Variants in FHIT observed in about 807,000 individuals in gnomAD.
The protein encoded by FHIT is bis(5'-adenosyl)-triphosphatase.
FHIT carries 19 observed loss-of-function variants against 17.9 expected under a neutral mutation model. That is an observed-to-expected ratio of 1.06 (90% CI 0.74 to 1.56). The LOEUF is 1.56. Ranked by LOEUF, FHIT falls within the 40% of genes most tolerant of loss-of-function variation. The pLI is 0.00. For synonymous variants in FHIT, 81 were observed against 69.7 expected, an observed-to-expected ratio of 1.16 and a Z score of -0.81; for missense variants, 248 against 189.2, an observed-to-expected ratio of 1.31 and a Z score of -1.82.
At chr3:61,240,107 A>G (rs1429913087) in intron 1 of FHIT, among the ~76,000 whole-genome samples, 1 of 152,128 alleles carries the variant, frequency 6.6e-6, no homozygotes, top group East Asian at 1.9e-4. Flanking sequence ...GCCTTAGTTT[A>G]GAGGAAGCTT....
intron 2 of FHIT, among the ~76,000 whole-genome samples, chr3:61,101,751 C>G (rs1194722110): frequency 6.6e-6 from 1 of 152,072 alleles, no homozygotes; most frequent in African/African-American, 2.4e-5. Context: ...TGGTAGTTCT[C>G]CTTGAAGAGG....
intron 5 of FHIT, among the ~76,000 whole-genome samples, chr3:60,143,819 A>G (rs1700130085): frequency 6.6e-6 from 1 of 152,104 alleles, no homozygotes; most frequent in Non-Finnish European, 1.5e-5. Flanking sequence ...CACTCACCCT[A>G]CTAAATGAAA....
At chr3:60,455,487 C>T (rs2032031665) in intron 5 of FHIT, among the ~76,000 whole-genome samples, 1 of 152,066 alleles carries the variant, frequency 6.6e-6, no homozygotes, top group South Asian at 2.1e-4. Flanking sequence ...AGAACAAAAC[C>T]AGTTTAGTGT....
chr3:60,010,545 A>G (rs991390885), intron 7 of FHIT, among the ~76,000 whole-genome samples: 1 of 152,246 alleles, frequency 6.6e-6, no homozygotes, highest in African/African-American at 2.4e-5. Context: ...TCTTCGAAGC[A>G]TTAAACTTTA....
intron 5 of FHIT, among the ~76,000 whole-genome samples, chr3:60,172,406 C>T (rs956387815): frequency 5.3e-5 from 8 of 151,720 alleles, no homozygotes; most frequent in African/African-American, 1.9e-4. Context: ...GCTGGGATTA[C>T]AGGCATGCAC....
chr3:59,917,699 G>A (rs1705199997), intron 8 of FHIT, among the ~76,000 whole-genome samples: 1 of 152,164 alleles, frequency 6.6e-6, no homozygotes, highest in Non-Finnish European at 1.5e-5. Flanking sequence ...AAGGGGGAGA[G>A]TTTGAGCTCA....
At chr3:60,337,808 G>A (rs538941688) in intron 5 of FHIT, among the ~76,000 whole-genome samples, 1 of 152,250 alleles carries the variant, frequency 6.6e-6, no homozygotes, top group South Asian at 2.1e-4. Context: ...GGCAGAGAAA[G>A]ACTCTTGGGG....
At chr3:61,004,179 C>A (rs1457348454) in intron 3 of FHIT, among the ~76,000 whole-genome samples, 1 of 152,036 alleles carries the variant, frequency 6.6e-6, no homozygotes, top group Non-Finnish European at 1.5e-5. Flanking sequence ...CATGGTGAAA[C>A]AAAAGTTCTG....
chr3:61,014,794 A>G (rs1208155770), intron 3 of FHIT, among the ~76,000 whole-genome samples: 1 of 89,454 alleles, frequency 1.1e-5, no homozygotes, highest in East Asian at 2.3e-4. Flanking sequence ...AAAAAAAAAA[A>G]AAAAAAAAAA....
intron 4 of FHIT, among the ~76,000 whole-genome samples, chr3:60,607,759 T>A (rs2038653914): frequency 6.6e-6 from 1 of 152,160 alleles, no homozygotes. Context: ...TTGTCTGCAA[T>A]ACATACATAT....
intron 2 of FHIT, among the ~76,000 whole-genome samples, chr3:61,170,402 G>A (rs1463216364): frequency 2.6e-5 from 4 of 152,114 alleles, no homozygotes; most frequent in Non-Finnish European, 5.9e-5. Context: ...AACTTCAGGG[G>A]TACATATGCA....
intron 1 of FHIT, among the ~76,000 whole-genome samples, chr3:61,205,862 C>T (rs1255924200): frequency 6.7e-6 from 1 of 149,890 alleles, no homozygotes; most frequent in Non-Finnish European, 1.5e-5. Context: ...AATGCCATTG[C>T]TTTTGGTGTT....
At chr3:60,013,585 T>C (rs1575884799) in intron 6 of FHIT, among the ~76,000 whole-genome samples, 1 of 152,178 alleles carries the variant, frequency 6.6e-6, no homozygotes, top group Admixed American at 6.5e-5. Flanking sequence ...TCTCTGCATC[T>C]TGAATTAAAG....
At chr3:60,103,744 A>G (rs1704290148) in intron 5 of FHIT, among the ~76,000 whole-genome samples, 1 of 152,156 alleles carries the variant, frequency 6.6e-6, no homozygotes, top group African/African-American at 2.4e-5. Flanking sequence ...ACTTTTTCCA[A>G]CGTTTTCAGC....
intron 3 of FHIT, among the ~76,000 whole-genome samples, chr3:61,041,147 G>A (rs567825612): frequency 2.0e-5 from 3 of 152,254 alleles, no homozygotes; most frequent in East Asian, 1.9e-4. Flanking sequence ...TTAGGAGGCT[G>A]AGGCAGGCAG....
intron 4 of FHIT, among the ~76,000 whole-genome samples, chr3:60,557,966 G>A (rs1488681889): frequency 3.3e-5 from 5 of 151,972 alleles, no homozygotes; most frequent in Non-Finnish European, 7.4e-5. Flanking sequence ...AAGGACCATT[G>A]CTTTCCAAAA....
At chr3:60,316,036 T>C (rs944541777) in intron 5 of FHIT, among the ~76,000 whole-genome samples, 4 of 152,206 alleles carry the variant, frequency 2.6e-5, no homozygotes, top group Non-Finnish European at 5.9e-5. Context: ...TTGTTCTCAA[T>C]GATGTCTACT....
intron 8 of FHIT, among the ~76,000 whole-genome samples, chr3:59,763,338 A>T (rs1229518307): frequency 6.6e-6 from 1 of 152,226 alleles, no homozygotes; most frequent in Non-Finnish European, 1.5e-5. Context: ...TAAGAGAGGG[A>T]GGCAAGCACA....
intron 8 of FHIT, among the ~76,000 whole-genome samples, chr3:59,899,632 G>A (rs566604453): frequency 3.5e-4 from 53 of 151,766 alleles, no homozygotes; most frequent in African/African-American, 1.1e-3. Flanking sequence ...TCAGGAGTTC[G>A]AGACCAGCCT....
Sources: allele counts gnomAD v4.1 joint callset (sites outside exome capture counted in the v4.1 genomes callset), GRCh38; gene constraint gnomAD v4.1.1; transcripts MANE v1.5; gene names NCBI Gene and HGNC (gene_info 2026-07-23, HGNC 2026-07-21).